Variants in AVP observed in about 807,000 individuals in gnomAD.
AVP encodes vasopressin-neurophysin 2-copeptin.
Under a neutral mutation model 11.1 loss-of-function variants are expected in AVP, and 9 were observed. The ratio of observed to expected loss-of-function variants is 0.81; its 90% CI spans 0.49 to 1.42. The LOEUF is 1.42. Among genes scored for constraint, AVP ranks in the 40% most tolerant of loss-of-function variants. The probability of loss-of-function intolerance (pLI) is 0.00; values close to 1 mark genes in which losing one functional copy is unlikely to be tolerated. For synonymous variants in AVP, 106 were observed against 111.3 expected (o/e 0.95, Z 0.30); for missense variants, 206 against 238.5 (o/e 0.86, Z 0.90).
At position 3,082,622 on chromosome 20, in the gene AVP, C is replaced by A. The variant is rs1183853812; in HGVS notation, c.*8G>T. ...GCGAAGAGCGCGCCGGTGGGGCGAGCGCGGGGCTCAGTAGGCGTCGGGCTG... is the reference window on the plus strand; with the variant it reads ...GCGAAGAGCGCGCCGGTGGGGCGAGAGCGGGGCTCAGTAGGCGTCGGGCTG... On this transcript the variant is annotated 3_prime_UTR_variant, in exon 3 of 3. Coordinates refer to ENST00000380293, the MANE Select transcript of AVP (RefSeq NM_000490.5). This position sits in a 1 kb window ranked among gnomAD's most constrained non-coding sequence, Gnocchi z 4.7. 1.8e-5 allele frequency: 22 copies of A among 1,251,960 alleles called. 1 individual carries two copies. Among genetic ancestry groups the A allele is most frequent in the East Asian group, 3.2e-5 (1 of 31,132 alleles). The allele number at this position is 1,251,960 out of a possible 1,614,324, so 77.6% of individuals were successfully genotyped here.
Position 3,082,916 on chromosome 20 carries a change from C to G in AVP, c.322+61G>C. On this transcript the variant is annotated intron_variant, in intron 2 of 2. Coordinates refer to ENST00000380293, the MANE Select transcript of AVP (RefSeq NM_000490.5). This position sits in a 1 kb window ranked among gnomAD's most constrained non-coding sequence, Gnocchi z 4.7. ...CAGCCCCCACCCCGCCGCAGGCCCG[C>G]GTCCCCCCCACCCAAGCGGTCTGCG... The G allele has an allele frequency of 5.3e-5, 37 of 695,600 alleles. No homozygotes were observed. Among genetic ancestry groups the G allele is most frequent in the Non-Finnish European group, 6.7e-5 (35 of 523,862 alleles). The allele number at this position is 695,600 out of a possible 1,614,324, so 43.1% of individuals were successfully genotyped here.
chr20:3,082,843 C>A lies in AVP; in HGVS notation c.323-41G>T, dbSNP rs981472398. 3 of 1,220,700 alleles carry A rather than the reference C, an allele frequency of 2.5e-6. No individual in the cohort carries two copies. Among genetic ancestry groups the A allele is most frequent in the Admixed American group, 4.4e-5 (1 of 22,622 alleles). 75.6% of individuals were successfully genotyped at this position (1,220,700 alleles called of 1,614,324 possible). A position where few individuals can be genotyped will look rare whatever the true frequency, so the allele number is the denominator to read the frequency against. ...GTGAGCACGGGCGCCCTGGGGCGGG[C>A]GCAGCTCGGGGTGCGGGGGGCCCAC... On this transcript the variant is annotated intron_variant, in intron 2 of 2. Coordinates refer to ENST00000380293, the MANE Select transcript of AVP (RefSeq NM_000490.5). This position sits in a 1 kb window ranked among gnomAD's most constrained non-coding sequence, Gnocchi z 4.7.
rs1241682052 is a variant in AVP at position 3,082,577 on chromosome 20, T to C, written c.*53A>G. 8.0e-5 allele frequency: 98 copies of C among 1,226,754 alleles called. No individual in the cohort carries two copies. Among genetic ancestry groups the C allele is most frequent in the Non-Finnish European group, 7.6e-5 (75 of 983,820 alleles). The allele number at this position is 1,226,754 out of a possible 1,614,324, so 76.0% of individuals were successfully genotyped here. A position where few individuals can be genotyped will look rare whatever the true frequency, so the allele number is the denominator to read the frequency against. On this transcript the variant is annotated 3_prime_UTR_variant, in exon 3 of 3. Transcript: ENST00000380293. The surrounding 1 kb of genome is among the most constrained non-coding windows in gnomAD (Gnocchi z 4.7). The stretch of plus-strand genomic sequence containing the variant: ...GCCGTGCATTGGCGGAGGTTTATTG[T>C]CCGTGCTGCAGGGGCGGGCGCGAAG...
intron 1 of AVP, 74 bp downstream of exon 1, chr20:3,084,481 T>C: frequency 6.2e-7 from 1 of 1,607,272 alleles, no homozygotes; most frequent in Non-Finnish European, 8.5e-7. Flanking sequence ...GACTTCCCTC[T>C]TTCCTAGCCC....
chr20:3,082,903 C>CCCCCCCCGG lies in AVP; in HGVS notation c.322+73_322+74insCCGGGGGGG. ...GCCGGGCCCGACGCAGCCCCCACCCCGCCGCAGGCCCGCGTCCCCCCCACC... is the reference window on the plus strand; with the variant it reads ...GCCGGGCCCGACGCAGCCCCCACCCCCCCCCCCGGGCCGCAGGCCCGCGTCCCCCCCACC... On this transcript the variant is annotated intron_variant, in intron 2 of 2. Coordinates refer to ENST00000380293, the MANE Select transcript of AVP (RefSeq NM_000490.5). The surrounding 1 kb of genome is among the most constrained non-coding windows in gnomAD (Gnocchi z 4.7). 8.1e-5 allele frequency: 83 copies of CCCCCCCCGG among 1,026,170 alleles called. No homozygotes were observed. Among genetic ancestry groups the CCCCCCCCGG allele is most frequent in the Non-Finnish European group, 9.4e-5 (77 of 818,148 alleles). The allele number at this position is 1,026,170 out of a possible 1,614,324, so 63.6% of individuals were successfully genotyped here. A position where few individuals can be genotyped will look rare whatever the true frequency, so the allele number is the denominator to read the frequency against.
Position 3,083,676 on chromosome 20 carries a change from GC to G in AVP, c.121-499del, listed in dbSNP as rs2066123398. ...TGTCTCCTCTCTTGCCTTGCCCCTG[GC>G]CCCCGCCAAGCTTGTCGGCCTCAGC... is the stretch of plus-strand genomic sequence containing the variant. On this transcript the variant is annotated intron_variant, in intron 1 of 2. Coordinates refer to ENST00000380293, the MANE Select transcript of AVP (RefSeq NM_000490.5). This position sits in a 1 kb window ranked among gnomAD's most constrained non-coding sequence, Gnocchi z 5.4. Among the ~76,000 whole-genome samples, 1 of 152,024 alleles carries G rather than the reference GC, an allele frequency of 6.6e-6. No homozygotes were observed. The highest frequency in any genetic ancestry group is 1.5e-5 in the Non-Finnish European group (1 of 67,988).
At chr20:3,084,470 T>A (rs1269802460) in intron 1 of AVP, 85 bp downstream of exon 1, 5 of 1,602,700 alleles carry the variant, frequency 3.1e-6, no homozygotes, top group Non-Finnish European at 4.2e-6. Context: ...CCACCACCCA[T>A]GACTTCCCTC....
At position 3,082,836 on chromosome 20, in the gene AVP, G is replaced by A. The variant is rs1470693687; in HGVS notation, c.323-34C>T. 2 of 1,221,782 alleles carry A rather than the reference G, an allele frequency of 1.6e-6. No individual in the cohort carries two copies. Among genetic ancestry groups the A allele is most frequent in the East Asian group, 3.4e-5 (1 of 29,136 alleles). 75.7% of individuals were successfully genotyped at this position (1,221,782 alleles called of 1,614,324 possible). A position where few individuals can be genotyped will look rare whatever the true frequency, so the allele number is the denominator to read the frequency against. ...AGGACGTGTGAGCACGGGCGCCCTG[G>A]GGCGGGCGCAGCTCGGGGTGCGGGG... On this transcript the variant is annotated intron_variant, in intron 2 of 2. Coordinates refer to ENST00000380293, the MANE Select transcript of AVP (RefSeq NM_000490.5). This position sits in a 1 kb window ranked among gnomAD's most constrained non-coding sequence, Gnocchi z 4.7.
chr20:3,082,902 C>T lies in AVP; in HGVS notation c.322+75G>A. On this transcript the variant is annotated intron_variant, in intron 2 of 2. Coordinates refer to ENST00000380293, the MANE Select transcript of AVP (RefSeq NM_000490.5). The surrounding 1 kb of genome is among the most constrained non-coding windows in gnomAD (Gnocchi z 4.7). ...TGCCGGGCCCGACGCAGCCCCCACC[C>T]CGCCGCAGGCCCGCGTCCCCCCCAC... The T allele has an allele frequency of 8.8e-7, 1 of 1,137,880 alleles. No homozygotes were observed. The allele number at this position is 1,137,880 out of a possible 1,614,324, so 70.5% of individuals were successfully genotyped here.
Position 3,083,389 on chromosome 20 carries a change from T to G in AVP, c.121-211A>C, listed in dbSNP as rs1246743427. 6.6e-6 allele frequency among the ~76,000 whole-genome samples: 1 copy of G among 152,042 alleles called. No homozygotes were observed. Among genetic ancestry groups the G allele is most frequent in the Non-Finnish European group, 1.5e-5 (1 of 67,994 alleles). On this transcript the variant is annotated intron_variant, in intron 1 of 2. Coordinates refer to ENST00000380293, the MANE Select transcript of AVP (RefSeq NM_000490.5). This position sits in a 1 kb window ranked among gnomAD's most constrained non-coding sequence, Gnocchi z 5.4. ...CTGCTCGGCACCTTGGTTTCTTGGA[T>G]GACCTCTCGGTGACAGCCCTCAGCG... is the stretch of plus-strand genomic sequence containing the variant.
rs533567933 is a variant in AVP, at chr20:3,083,830, G to T, written c.121-652C>A. Among the ~76,000 whole-genome samples, 2 of 152,366 alleles carry T rather than the reference G, an allele frequency of 1.3e-5. No individual in the cohort carries two copies. The highest frequency in any genetic ancestry group is 4.1e-4 in the South Asian group (2 of 4,826). The stretch of plus-strand genomic sequence containing the variant: ...AAGGAGCCTAGCAGGAGGAAGAGAG[G>T]CTGCGGGGGTTGCCGAGCGGCCACT... On this transcript the variant is annotated intron_variant, in intron 1 of 2. Coordinates refer to ENST00000380293, the MANE Select transcript of AVP (RefSeq NM_000490.5). The surrounding 1 kb of genome is among the most constrained non-coding windows in gnomAD (Gnocchi z 5.4).
Position 3,082,714 on chromosome 20 carries a change from C to A in AVP, c.411G>T (p.Gly137=). 1 of 1,289,432 alleles carries A rather than the reference C, an allele frequency of 7.8e-7. No individual in the cohort carries two copies. Among genetic ancestry groups the A allele is most frequent in the Non-Finnish European group, 9.8e-7 (1 of 1,021,844 alleles). The allele number at this position is 1,289,432 out of a possible 1,614,324, so 79.9% of individuals were successfully genotyped here. A position where few individuals can be genotyped will look rare whatever the true frequency, so the allele number is the denominator to read the frequency against. ...GCCGCAGCAGCAAGGCCCCGGCCGGCCCGTCCAGCTGCGTGGCGTTGCTCC... is the reference window on the plus strand; with the variant it reads ...GCCGCAGCAGCAAGGCCCCGGCCGGACCGTCCAGCTGCGTGGCGTTGCTCC... ...SDRSNATQLD[G]PAGALLLRLV... is the part of the protein sequence containing the mutation. Residue 137 remains glycine (G), a synonymous_variant, in exon 3 of 3, where the codon GGG becomes GGT. Coordinates refer to ENST00000380293, the MANE Select transcript of AVP (RefSeq NM_000490.5). This position sits in a 1 kb window ranked among gnomAD's most constrained non-coding sequence, Gnocchi z 4.7.
rs539928673 is a variant in AVP, at chr20:3,083,172, G to C, written c.127C>G (p.Pro43Ala). ...CGGCCTTTGCCCCCGGGGCCGCAGG[G>C]GAGGCACTGCGGGGACGGGCGGGGT... is the stretch of plus-strand genomic sequence containing the variant. ...MSDLELRQCL[P>A]CGPGGKGRCF... The change falls in exon 2 of 3, where the codon CCC becomes GCC. Residue 43 changes from proline (P) to alanine (A), a missense_variant. Coordinates refer to ENST00000380293, the MANE Select transcript of AVP (RefSeq NM_000490.5). The surrounding 1 kb of genome is among the most constrained non-coding windows in gnomAD (Gnocchi z 5.4). The C allele has an allele frequency of 1.3e-4, 197 of 1,493,928 alleles. No homozygotes were observed. In the East Asian group the frequency reaches 3.9e-3, roughly 29 times the overall value. 92.5% of individuals were successfully genotyped at this position (1,493,928 alleles called of 1,614,324 possible). A position where few individuals can be genotyped will look rare whatever the true frequency, so the allele number is the denominator to read the frequency against.
In AVP at chr20:3,082,686, C is replaced by A; in HGVS notation, c.439G>T (p.Val147Leu). Reference sequence around the variant, plus strand: ...GGCTCGGGCGCCCCGGCCAGCTGCACCAGCCGCAGCAGCAAGGCCCCGGCC... The same window carrying A: ...GGCTCGGGCGCCCCGGCCAGCTGCAACAGCCGCAGCAGCAAGGCCCCGGCC... The part of the protein sequence containing the change: ...GPAGALLLRL[V>L]QLAGAPEPFE... The change falls in exon 3 of 3, where the codon GTG (valine) becomes TTG (leucine). Residue 147 changes from valine to leucine, a missense_variant. Physicochemically the swap from Val to Leu is conservative, Grantham distance 32. Around this residue, in one of 2 missense-constraint regions of AVP, gnomAD observed 106 missense variants for 89.2 expected, o/e 1.19. Transcript: ENST00000380293. The surrounding 1 kb of genome is among the most constrained non-coding windows in gnomAD (Gnocchi z 4.7). 1 of 1,291,258 alleles carries A rather than the reference C, an allele frequency of 7.7e-7. No homozygotes were observed. Among genetic ancestry groups the A allele is most frequent in the Non-Finnish European group, 9.8e-7 (1 of 1,022,676 alleles). 80.0% of individuals were successfully genotyped at this position (1,291,258 alleles called of 1,614,324 possible).
At position 3,082,635 on chromosome 20, in the gene AVP, A is replaced by G. The variant is rs1261871859; in HGVS notation, c.490T>C (p.Tyr164His). 13 of 1,264,934 alleles carry G rather than the reference A, an allele frequency of 1.0e-5. No homozygotes were observed. The highest frequency in any genetic ancestry group is 1.3e-5 in the Non-Finnish European group (13 of 1,008,522). The allele number at this position is 1,264,934 out of a possible 1,614,324, so 78.4% of individuals were successfully genotyped here. A position where few individuals can be genotyped will look rare whatever the true frequency, so the allele number is the denominator to read the frequency against. Residue 164 changes from tyrosine (Y) to histidine (H), a missense_variant, in exon 3 of 3, where the codon TAC becomes CAC. Tyr to His is a moderately conservative substitution (Grantham distance 83). This residue lies in a region of AVP where 106 missense variants were observed against 89.2 expected (regional missense o/e 1.19). Transcript: ENST00000380293. This position sits in a 1 kb window ranked among gnomAD's most constrained non-coding sequence, Gnocchi z 4.7. ...EPFEPAQPDA[Y>H] ...CGGTGGGGCGAGCGCGGGGCTCAGT[A>G]GGCGTCGGGCTGGGCGGGCTCGAAG...
In AVP at chr20:3,082,944, C is replaced by CA; in HGVS notation, c.322+32_322+33insT. 6 of 1,291,326 alleles carry CA rather than the reference C, an allele frequency of 4.6e-6. No individual in the cohort carries two copies. Among genetic ancestry groups the CA allele is most frequent in the Non-Finnish European group, 5.9e-6 (6 of 1,014,064 alleles). The allele number at this position is 1,291,326 out of a possible 1,614,324, so 80.0% of individuals were successfully genotyped here. ...CCCCCCCACCCAAGCGGTCTGCGCC[C>CA]CCCCCAGCCCCAGGCCCGCCCCCGC... On this transcript the variant is annotated intron_variant, in intron 2 of 2. Transcript: ENST00000380293. This position sits in a 1 kb window ranked among gnomAD's most constrained non-coding sequence, Gnocchi z 4.7.
Position 3,082,848 on chromosome 20 carries a change from C to G in AVP, c.323-46G>C. On this transcript the variant is annotated intron_variant, in intron 2 of 2. Coordinates refer to ENST00000380293, the MANE Select transcript of AVP (RefSeq NM_000490.5). The surrounding 1 kb of genome is among the most constrained non-coding windows in gnomAD (Gnocchi z 4.7). ...CACGGGCGCCCTGGGGCGGGCGCAG[C>G]TCGGGGTGCGGGGGGCCCACACCCT... The G allele has an allele frequency of 6.6e-6, 8 of 1,220,752 alleles. No individual in the cohort carries two copies. Among genetic ancestry groups the G allele is most frequent in the Non-Finnish European group, 8.1e-6 (8 of 981,756 alleles). The allele number at this position is 1,220,752 out of a possible 1,614,324, so 75.6% of individuals were successfully genotyped here.
At position 3,083,294 on chromosome 20, in the gene AVP, G is replaced by A; in HGVS notation, c.121-116C>T. On this transcript the variant is annotated intron_variant, in intron 1 of 2. Transcript: ENST00000380293. This position sits in a 1 kb window ranked among gnomAD's most constrained non-coding sequence, Gnocchi z 5.4. ...GGGCTCGGAGTGCGGGCGGGACACC[G>A]GGGCTGCGGCTGCAGGCACGCTCGG... 1.7e-6 allele frequency: 2 copies of A among 1,161,436 alleles called. No homozygotes were observed. The highest frequency in any genetic ancestry group is 1.1e-6 in the Non-Finnish European group (1 of 888,674). The allele number at this position is 1,161,436 out of a possible 1,614,324, so 71.9% of individuals were successfully genotyped here. A position where few individuals can be genotyped will look rare whatever the true frequency, so the allele number is the denominator to read the frequency against.
Position 3,084,712 on chromosome 20 carries a change from T to C in AVP, c.-38A>G, listed in dbSNP as rs1291213718. On this transcript the variant is annotated 5_prime_UTR_variant, in exon 1 of 3. Coordinates refer to ENST00000380293, the MANE Select transcript of AVP (RefSeq NM_000490.5). Reference sequence around the variant, plus strand: ...AGGTGGACCCCGTATGCAGCACTGCTTGGTGGCTCTGTGCTGCTGCCTCTG... The same window carrying C: ...AGGTGGACCCCGTATGCAGCACTGCCTGGTGGCTCTGTGCTGCTGCCTCTG... The C allele has an allele frequency of 6.2e-7, 1 of 1,610,932 alleles. No homozygotes were observed.
Sources: gnomAD v4.1 joint callset for allele counts (sites outside exome capture counted in the v4.1 genomes callset) on GRCh38, gnomAD v4.1.1 for gene constraint, gnomAD v4.1.1 regional missense constraint, Gnocchi (gnomAD v3.1) non-coding constraint, MANE v1.5 for transcripts, NCBI Gene and HGNC (gene_info 2026-07-23, HGNC 2026-07-21) for gene names.